Variants in LIN28A observed in about 807,000 individuals in gnomAD.
LIN28A encodes the protein lin-28 RNA binding posttranscriptional regulator A.
Under a neutral mutation model 21.1 loss-of-function variants are expected in LIN28A, and 11 were observed. The observed-to-expected ratio is 0.52, with a 90% CI of 0.33 to 0.86. The LOEUF (loss-of-function observed/expected upper bound fraction) is 0.86, where lower values mean the gene tolerates loss of function less well. Ranked by LOEUF, LIN28A falls within the 40% of genes least tolerant of loss-of-function variation. The probability of loss-of-function intolerance (pLI) is 0.03; values close to 1 mark genes in which losing one functional copy is unlikely to be tolerated. For missense variants in LIN28A, 219 were observed against 279.8 expected (o/e 0.78, Z 1.55); for synonymous variants, 111 against 108.7 (o/e 1.02, Z -0.13).
intron 2 of LIN28A, among the ~76,000 whole-genome samples, chr1:26,415,743 G>A (rs2074989330): frequency 6.6e-6 from 1 of 152,110 alleles, no homozygotes; most frequent in Admixed American, 6.5e-5. Flanking sequence ...AGTTTGTGGA[G>A]TGAATATGGG....
intron 2 of LIN28A, among the ~76,000 whole-genome samples, chr1:26,421,058 C>G (rs1488831068): frequency 1.3e-5 from 2 of 151,778 alleles, no homozygotes; most frequent in African/African-American, 2.4e-5. Context: ...TGGCTGTTTG[C>G]TAACTGCTTT....
intron 2 of LIN28A, among the ~76,000 whole-genome samples, chr1:26,420,218 G>C (rs759613241): frequency 6.6e-6 from 1 of 152,064 alleles, no homozygotes; most frequent in African/African-American, 2.4e-5. Flanking sequence ...ACCTGCCTCA[G>C]TCACCCAAAT....
chr1:26,418,003 GTT>G (rs59199267), intron 2 of LIN28A, among the ~76,000 whole-genome samples: 1 of 142,888 alleles, frequency 7.0e-6, no homozygotes, highest in Non-Finnish European at 1.5e-5. Context: ...CCTTTGTGTT[GTT>G]TTTTTTTTTT....
At position 26,411,776 on chromosome 1, in the gene LIN28A, A is replaced by G. The variant is rs1368548263; in HGVS notation, c.228+194A>G. Among the ~76,000 whole-genome samples the G allele has an allele frequency of 6.6e-6, 1 of 152,190 alleles. No homozygotes were observed. The highest frequency in any genetic ancestry group is 2.4e-5 in the African/African-American group (1 of 41,468). ...GGAGTAGTGGGAGGCAGCACCAATT[A>G]TCAGCACCCCCGCCCCCTTCCGGGA... On this transcript the variant is annotated intron_variant, in intron 2 of 3. Transcript: ENST00000326279. The surrounding 1 kb of genome is among the most constrained non-coding windows in gnomAD (Gnocchi z 5.4).
At position 26,420,486 on chromosome 1, in the gene LIN28A, C is replaced by T. The variant is rs372695240; in HGVS notation, c.229-4817C>T. Among the ~76,000 whole-genome samples the T allele has an allele frequency of 8.7e-4, 132 of 151,706 alleles. 2 individuals are homozygous for T. In the South Asian group the frequency reaches 0.025, roughly 29 times the overall value. ...AAAATTAGCTGGGTGTGGTGGCGTG[C>T]GCCTGTAGTCCTAGCTTAAACCCAG... On this transcript the variant is annotated intron_variant, in intron 2 of 3. Transcript: ENST00000326279.
chr1:26,426,688 G>T lies in LIN28A; in HGVS notation c.*230G>T. On this transcript the variant is annotated 3_prime_UTR_variant, in exon 4 of 4. Coordinates refer to ENST00000326279, the MANE Select transcript of LIN28A (RefSeq NM_024674.6). ...GTGAGGGTTCTGGGGGCAACCAGGA[G>T]GGGGGAATCACCCTACAACCTGCAT... The T allele has an allele frequency of 1.9e-6, 1 of 516,150 alleles. No homozygotes were observed. Among genetic ancestry groups the T allele is most frequent in the Non-Finnish European group, 3.5e-6 (1 of 281,762 alleles). The allele number at this position is 516,150 out of a possible 1,614,324, so 32.0% of individuals were successfully genotyped here. A position where few individuals can be genotyped will look rare whatever the true frequency, so the allele number is the denominator to read the frequency against.
At position 26,426,648 on chromosome 1, in the gene LIN28A, T is replaced by A; in HGVS notation, c.*190T>A. On this transcript the variant is annotated 3_prime_UTR_variant, in exon 4 of 4. Coordinates refer to ENST00000326279, the MANE Select transcript of LIN28A (RefSeq NM_024674.6). ...TGAGTCAAAGGAACTCCAACCATGCTCTGTCCAAATGCAAGTGAGGGTTCT... is the reference window on the plus strand; with the variant it reads ...TGAGTCAAAGGAACTCCAACCATGCACTGTCCAAATGCAAGTGAGGGTTCT... 1 of 589,152 alleles carries A rather than the reference T, an allele frequency of 1.7e-6. No individual in the cohort carries two copies. Among genetic ancestry groups the A allele is most frequent in the South Asian group, 2.0e-5 (1 of 50,270 alleles). 36.5% of individuals were successfully genotyped at this position (589,152 alleles called of 1,614,324 possible). A position where few individuals can be genotyped will look rare whatever the true frequency, so the allele number is the denominator to read the frequency against.
intron 2 of LIN28A, among the ~76,000 whole-genome samples, chr1:26,423,508 C>A (rs2075040537): frequency 7.5e-6 from 1 of 133,098 alleles, no homozygotes; most frequent in African/African-American, 2.8e-5. Context: ...CTCCCGGGTT[C>A]AAGTGATTCT....
In LIN28A at chr1:26,411,943, C is replaced by G. The variant is rs1166965609; in HGVS notation, c.228+361C>G. On this transcript the variant is annotated intron_variant, in intron 2 of 3. Coordinates refer to ENST00000326279, the MANE Select transcript of LIN28A (RefSeq NM_024674.6). The surrounding 1 kb of genome is among the most constrained non-coding windows in gnomAD (Gnocchi z 5.4). ...GGCGAGCAGGCCGGCCAGGGAAGCACATGCCGGGCCTAAGCCGGGAGCCCA... is the reference window on the plus strand; with the variant it reads ...GGCGAGCAGGCCGGCCAGGGAAGCAGATGCCGGGCCTAAGCCGGGAGCCCA... Among the ~76,000 whole-genome samples, 1 of 152,206 alleles carries G rather than the reference C, an allele frequency of 6.6e-6. No individual in the cohort carries two copies. The highest frequency in any genetic ancestry group is 1.5e-5 in the Non-Finnish European group (1 of 68,034).
chr1:26,421,759 T>C (rs998164013), intron 2 of LIN28A, among the ~76,000 whole-genome samples: 8 of 152,172 alleles, frequency 5.3e-5, no homozygotes, highest in Non-Finnish European at 1.0e-4. Context: ...TCCATCTGCT[T>C]GGGTTATACT....
chr1:26,418,855 A>G (rs1451456195), intron 2 of LIN28A, among the ~76,000 whole-genome samples: 2 of 118,120 alleles, frequency 1.7e-5, no homozygotes, highest in Non-Finnish European at 3.7e-5. Context: ...AGAATTTTCT[A>G]TATCTAGTTC....
chr1:26,415,437 G>A (rs1351066121), intron 2 of LIN28A, among the ~76,000 whole-genome samples: 1 of 152,138 alleles, frequency 6.6e-6, no homozygotes, highest in Non-Finnish European at 1.5e-5. Flanking sequence ...TCTAGTTATT[G>A]AGGTACTGGT....
At chr1:26,417,675 C>T (rs1037743583) in intron 2 of LIN28A, among the ~76,000 whole-genome samples, 8 of 152,146 alleles carry the variant, frequency 5.3e-5, no homozygotes, top group Non-Finnish European at 1.0e-4. Context: ...TCATATCACC[C>T]CACTGCACCA....
At chr1:26,413,897 C>T (rs1227581775) in intron 2 of LIN28A, among the ~76,000 whole-genome samples, 2 of 147,052 alleles carry the variant, frequency 1.4e-5, no homozygotes, top group Non-Finnish European at 3.0e-5. Context: ...GCATGATCTC[C>T]ACTCACCGCA....
Position 26,411,949 on chromosome 1 carries a change from G to T in LIN28A, c.228+367G>T, listed in dbSNP as rs1430293684. On this transcript the variant is annotated intron_variant, in intron 2 of 3. Coordinates refer to ENST00000326279, the MANE Select transcript of LIN28A (RefSeq NM_024674.6). This position sits in a 1 kb window ranked among gnomAD's most constrained non-coding sequence, Gnocchi z 5.4. ...CAGGCCGGCCAGGGAAGCACATGCC[G>T]GGCCTAAGCCGGGAGCCCAGCTCCT... Among the ~76,000 whole-genome samples the T allele has an allele frequency of 6.6e-6, 1 of 152,216 alleles. No homozygotes were observed. Among genetic ancestry groups the T allele is most frequent in the Non-Finnish European group, 1.5e-5 (1 of 68,044 alleles).
rs760528638 is a variant in LIN28A at position 26,425,286 on chromosome 1, G to A, written c.229-17G>A. 8.1e-6 allele frequency: 13 copies of A among 1,606,938 alleles called. No individual in the cohort carries two copies. The South Asian group carries it at 1.3e-4, about 16-fold the overall frequency. ...ATGGAAATTAATGTTAAAATTTACT[G>A]CATTTCCCTTCACCAGAGTAAGCTG... is the stretch of plus-strand genomic sequence containing the variant. On this transcript the variant is annotated splice_polypyrimidine_tract_variant and intron_variant, in intron 2 of 3. Transcript: ENST00000326279.
chr1:26,411,036 C>A lies in LIN28A; in HGVS notation c.31+114C>A. Reference sequence around the variant, plus strand: ...CTGCCCAAAGGACCCCAAGACGGTGCGGCCTTCTGCTTCATAGGGCCGTCT... The same window carrying A: ...CTGCCCAAAGGACCCCAAGACGGTGAGGCCTTCTGCTTCATAGGGCCGTCT... On this transcript the variant is annotated intron_variant, in intron 1 of 3. Transcript: ENST00000326279. This position sits in a 1 kb window ranked among gnomAD's most constrained non-coding sequence, Gnocchi z 5.4. 2.2e-6 allele frequency: 3 copies of A among 1,344,734 alleles called. No homozygotes were observed. Among genetic ancestry groups the A allele is most frequent in the Admixed American group, 2.7e-5 (1 of 37,180 alleles). The allele number at this position is 1,344,734 out of a possible 1,614,324, so 83.3% of individuals were successfully genotyped here. A position where few individuals can be genotyped will look rare whatever the true frequency, so the allele number is the denominator to read the frequency against.
At chr1:26,426,179 G>A (rs1036989927) in intron 3 of LIN28A, 63 bp from the exon 4 acceptor site, 38 of 1,353,202 alleles carry the variant, frequency 2.8e-5, no homozygotes, top group South Asian at 4.7e-5. Context: ...GTCCTCATTC[G>A]TGGGAGGCAT....
intron 2 of LIN28A, among the ~76,000 whole-genome samples, chr1:26,419,336 G>T (rs1230738825): frequency 1.3e-5 from 2 of 152,106 alleles, no homozygotes; most frequent in Non-Finnish European, 2.9e-5. Context: ...AGGGGTGGGG[G>T]TTTACTCTGT....
Sources: allele counts gnomAD v4.1 joint callset (sites outside exome capture counted in the v4.1 genomes callset), GRCh38; gene constraint gnomAD v4.1.1; non-coding constraint Gnocchi (gnomAD v3.1); transcripts MANE v1.5; gene names NCBI Gene and HGNC (gene_info 2026-07-23, HGNC 2026-07-21).